The following CFDP1 variants were observed in gnomAD, a reference collection of about 807,000 sequenced individuals.
The protein encoded by CFDP1 is heterochromatin-stabilizing protein CFDP1.
A neutral mutation model predicts 40.1 loss-of-function variants in CFDP1; 31 were observed. That is an observed-to-expected ratio of 0.77 (90% CI 0.58 to 1.04). CFDP1 has a LOEUF of 1.04. CFDP1 is among the 50% of genes least tolerant of loss of function. CFDP1 has a pLI of 0.00. For missense variants in CFDP1, 423 were observed against 343.4 expected (o/e 1.23, Z -1.83); for synonymous variants, 167 against 120.0 (o/e 1.39, Z -2.56).
At chr16:75,366,659 G>A (rs2078716197) in intron 5 of CFDP1, among the ~76,000 whole-genome samples, 1 of 152,036 alleles carries the variant, frequency 6.6e-6, no homozygotes, top group Admixed American at 6.6e-5. Flanking sequence ...ACCGTTATAG[G>A]GAGATAGATA....
intron 1 of CFDP1, among the ~76,000 whole-genome samples, chr16:75,431,185 CTCACGCCTG>C (rs1754303139): frequency 1.3e-5 from 2 of 151,742 alleles, no homozygotes; most frequent in Admixed American, 1.3e-4. Flanking sequence ...GGCACGGTGG[CTCACGCCTG>C]TAATCCCAGC....
chr16:75,375,770 G>A (rs113251659), intron 5 of CFDP1, among the ~76,000 whole-genome samples: 77,697 of 148,078 alleles, frequency 0.52, 21,262 homozygotes, highest in Admixed American at 0.64. Context: ...CAGCCTGGGC[G>A]ACAGAGCGAG....
intron 5 of CFDP1, 34 bp from the exon 6 acceptor site, chr16:75,305,216 A>C: frequency 6.2e-7 from 1 of 1,606,614 alleles, no homozygotes; most frequent in Non-Finnish European, 8.5e-7. Flanking sequence ...TGTAGCAGGT[A>C]AAAACTCTGA....
chr16:75,404,520 C>A (rs8064173), intron 4 of CFDP1, among the ~76,000 whole-genome samples: 1 of 152,076 alleles, frequency 6.6e-6, no homozygotes, highest in African/African-American at 2.4e-5. Context: ...CGCGCCCGGC[C>A]GCAAAGGTAC....
rs73607013 is a variant in CFDP1 at position 75,295,105 on chromosome 16, T to C, written c.810-1063A>G. ...TTTGTTGCACTGTGGAAAATATGCA[T>C]CTGTCATTACAAAGTCATTACATTT... On this transcript the variant is annotated intron_variant, in intron 6 of 6. Coordinates refer to ENST00000283882, the MANE Select transcript of CFDP1 (RefSeq NM_006324.3). Among the ~76,000 whole-genome samples, 648 of 152,144 alleles carry C rather than the reference T, an allele frequency of 4.3e-3. 1 individual carries two copies. The highest frequency in any genetic ancestry group is 0.015 in the African/African-American group (624 of 41,378).
chr16:75,295,762 C>G (rs535165358), intron 6 of CFDP1, among the ~76,000 whole-genome samples: 231 of 152,308 alleles, frequency 1.5e-3, no homozygotes, highest in African/African-American at 5.4e-3. Flanking sequence ...GGCTGCCTGG[C>G]TGAATTCGAA....
intron 1 of CFDP1, among the ~76,000 whole-genome samples, chr16:75,423,600 C>T (rs1365188412): frequency 6.6e-6 from 1 of 151,976 alleles, no homozygotes; most frequent in Admixed American, 6.6e-5. Flanking sequence ...CTGCAACCTC[C>T]GCCTCTTGGG....
At chr16:75,413,258 G>C (rs1453537917) in intron 2 of CFDP1, among the ~76,000 whole-genome samples, 2 of 151,916 alleles carry the variant, frequency 1.3e-5, no homozygotes, top group Admixed American at 1.3e-4. Flanking sequence ...GAAGAACTGA[G>C]AGCTGGAACA....
intron 5 of CFDP1, among the ~76,000 whole-genome samples, chr16:75,349,652 A>AC (rs2078594827): frequency 2.1e-4 from 1 of 4,766 alleles, no homozygotes; most frequent in East Asian, 6.1e-3. Flanking sequence ...CTCCGTCTCA[A>AC]AAAAAAAAAA....
chr16:75,425,231 G>A (rs1291511311), intron 1 of CFDP1, among the ~76,000 whole-genome samples: 1 of 151,870 alleles, frequency 6.6e-6, no homozygotes, highest in Non-Finnish European at 1.5e-5. Flanking sequence ...ATTTTACAAT[G>A]CATATGGTGG....
intron 5 of CFDP1, among the ~76,000 whole-genome samples, chr16:75,375,464 A>C (rs940625667): frequency 1.3e-5 from 2 of 152,212 alleles, no homozygotes; most frequent in African/African-American, 4.8e-5. Context: ...AACTAAAATC[A>C]GAGGAGATAC....
intron 5 of CFDP1, among the ~76,000 whole-genome samples, chr16:75,360,797 C>T (rs1478125009): frequency 2.6e-5 from 4 of 152,052 alleles, no homozygotes; most frequent in Non-Finnish European, 4.4e-5. Context: ...ATTTAAGCAA[C>T]GTTAATTTTC....
At chr16:75,339,731 A>G (rs2078513669) in intron 5 of CFDP1, among the ~76,000 whole-genome samples, 1 of 152,156 alleles carries the variant, frequency 6.6e-6, no homozygotes, top group African/African-American at 2.4e-5. Context: ...CAGGACATAT[A>G]TCTAACATAT....
intron 5 of CFDP1, among the ~76,000 whole-genome samples, chr16:75,342,316 G>T (rs1210978838): frequency 6.6e-6 from 1 of 152,164 alleles, no homozygotes; most frequent in Non-Finnish European, 1.5e-5. Flanking sequence ...ATCCTTGTTG[G>T]CACTCCTGTC....
chr16:75,322,529 A>C (rs2078372149), intron 5 of CFDP1, among the ~76,000 whole-genome samples: 1 of 152,218 alleles, frequency 6.6e-6, no homozygotes, highest in Non-Finnish European at 1.5e-5. Context: ...TACTGTACTA[A>C]GTACTGTAGG....
intron 5 of CFDP1, among the ~76,000 whole-genome samples, chr16:75,308,693 C>T (rs1384511413): frequency 6.6e-6 from 1 of 152,206 alleles, no homozygotes; most frequent in Non-Finnish European, 1.5e-5. Context: ...CTCCCATCAG[C>T]TCTCAACAGC....
intron 5 of CFDP1, among the ~76,000 whole-genome samples, chr16:75,342,838 G>A (rs898001094): frequency 2.6e-5 from 4 of 152,162 alleles, no homozygotes; most frequent in Non-Finnish European, 4.4e-5. Flanking sequence ...ACAATCTGGG[G>A]AAGATATTAC....
At chr16:75,300,762 G>A (rs955037854) in intron 6 of CFDP1, among the ~76,000 whole-genome samples, 6 of 152,136 alleles carry the variant, frequency 3.9e-5, no homozygotes, top group Admixed American at 1.3e-4. Context: ...TAAGCCTGGA[G>A]CTCAGTGGAA....
At chr16:75,334,043 G>A (rs773428278) in intron 5 of CFDP1, among the ~76,000 whole-genome samples, 3 of 152,028 alleles carry the variant, frequency 2.0e-5, no homozygotes, top group Non-Finnish European at 4.4e-5. Flanking sequence ...CTCTGTGAGA[G>A]GCTGTGAGCA....
Sources: allele counts gnomAD v4.1 joint callset (sites outside exome capture counted in the v4.1 genomes callset), GRCh38; gene constraint gnomAD v4.1.1; transcripts MANE v1.5; gene names NCBI Gene and HGNC (gene_info 2026-07-23, HGNC 2026-07-21).